PCCA: variants seen among roughly 807,000 people sequenced by gnomAD.
PCCA encodes propionyl-CoA carboxylase alpha chain, mitochondrial.
Under a neutral mutation model 101.3 loss-of-function variants are expected in PCCA, and 74 were observed. The observed-to-expected ratio is 0.73, with a 90% CI of 0.61 to 0.89. The LOEUF is 0.89. Ranked by LOEUF, PCCA falls within the 40% of genes least tolerant of loss-of-function variation. PCCA has a pLI of 0.00. For synonymous variants in PCCA, 294 were observed against 313.6 expected (o/e 0.94, Z 0.66); for missense variants, 891 against 907.0 (o/e 0.98, Z 0.23).
intron 7 of PCCA, among the ~76,000 whole-genome samples, 162 bp from the exon 8 acceptor site, chr13:100,235,680 A>T (rs983282987): frequency 1.3e-5 from 2 of 152,200 alleles, no homozygotes; most frequent in African/African-American, 4.8e-5. Context: ...CATTCCACTT[A>T]TGGTATTAAT....
At chr13:100,344,267 A>G (rs2071843802) in intron 18 of PCCA, among the ~76,000 whole-genome samples, 1 of 152,198 alleles carries the variant, frequency 6.6e-6, no homozygotes, top group Non-Finnish European at 1.5e-5. Flanking sequence ...GATATTAAGG[A>G]GTCAGGTTAC....
At chr13:100,332,352 T>C (rs1170259745) in intron 17 of PCCA, among the ~76,000 whole-genome samples, 1 of 152,044 alleles carries the variant, frequency 6.6e-6, no homozygotes, top group Admixed American at 6.5e-5. Flanking sequence ...AAAGTTGTAG[T>C]ACGTTTTGAA....
At chr13:100,182,269 G>T (rs1374015107) in intron 6 of PCCA, among the ~76,000 whole-genome samples, 4 of 151,644 alleles carry the variant, frequency 2.6e-5, no homozygotes, top group African/African-American at 9.7e-5. Context: ...GCTCATTTTT[G>T]TATTTTTAGT....
At chr13:100,100,390 C>A (rs1316782660) in intron 1 of PCCA, among the ~76,000 whole-genome samples, 1 of 152,174 alleles carries the variant, frequency 6.6e-6, no homozygotes, top group Non-Finnish European at 1.5e-5. Flanking sequence ...CTGTGATTGG[C>A]TAGCCTTTAT....
chr13:100,421,897 C>G (rs1363146416), intron 19 of PCCA, among the ~76,000 whole-genome samples: 4 of 152,042 alleles, frequency 2.6e-5, no homozygotes, highest in Non-Finnish European at 5.9e-5. Flanking sequence ...GTTGGTCAGG[C>G]TGGTCTCAAT....
chr13:100,135,988 G>C (rs2051113764), intron 4 of PCCA, among the ~76,000 whole-genome samples: 1 of 151,806 alleles, frequency 6.6e-6, no homozygotes, highest in Non-Finnish European at 1.5e-5. Flanking sequence ...TTTGCATTTT[G>C]GTTGTGGTGT....
At chr13:100,152,457 A>T (rs544853983) in intron 4 of PCCA, among the ~76,000 whole-genome samples, 22 of 143,758 alleles carry the variant, frequency 1.5e-4, no homozygotes, top group East Asian at 1.2e-3. Flanking sequence ...TTATTTATTT[A>T]TTTTTTTGAG....
intron 11 of PCCA, among the ~76,000 whole-genome samples, chr13:100,272,827 T>C (rs746896696): frequency 3.9e-5 from 6 of 152,194 alleles, no homozygotes; most frequent in Non-Finnish European, 8.8e-5. Context: ...TGAGGATTGA[T>C]TGTGTATGTT....
chr13:100,159,320 A>T (rs976550473), intron 6 of PCCA, among the ~76,000 whole-genome samples: 10 of 151,988 alleles, frequency 6.6e-5, no homozygotes, highest in African/African-American at 2.2e-4. Context: ...TGAACTCCTG[A>T]TGTCGTGATC....
chr13:100,299,639 A>G (rs2065902086), intron 12 of PCCA, among the ~76,000 whole-genome samples: 5 of 152,198 alleles, frequency 3.3e-5, no homozygotes, highest in Non-Finnish European at 7.3e-5. Context: ...GGTTCACTTA[A>G]CTTTTGAAAT....
intron 10 of PCCA, among the ~76,000 whole-genome samples, chr13:100,264,803 C>T (rs997231797): frequency 3.9e-5 from 6 of 152,118 alleles, no homozygotes; most frequent in African/African-American, 1.4e-4. Context: ...TATACTCCCA[C>T]CAGAAATACA....
intron 6 of PCCA, among the ~76,000 whole-genome samples, chr13:100,201,251 C>T (rs376184435): frequency 7.0e-4 from 107 of 152,184 alleles, no homozygotes; most frequent in African/African-American, 2.5e-3. Flanking sequence ...AATCCCGACT[C>T]TTTTTGTTGA....
intron 22 of PCCA, among the ~76,000 whole-genome samples, chr13:100,522,670 T>C (rs947554023): frequency 1.3e-5 from 2 of 152,216 alleles, no homozygotes; most frequent in African/African-American, 4.8e-5. Context: ...GAAATACGAC[T>C]GCACACTCTT....
chr13:100,421,292 C>T (rs2152886470), intron 19 of PCCA, among the ~76,000 whole-genome samples: 1 of 152,264 alleles, frequency 6.6e-6, no homozygotes, highest in Middle Eastern at 3.4e-3. Context: ...ACAAGCCTCC[C>T]TTTCATACCT....
At chr13:100,327,734 G>A (rs1274987571) in intron 16 of PCCA, among the ~76,000 whole-genome samples, 1 of 152,142 alleles carries the variant, frequency 6.6e-6, no homozygotes, top group Admixed American at 6.5e-5. Context: ...GCTATTATCT[G>A]TCTTTTCACT....
intron 22 of PCCA, among the ~76,000 whole-genome samples, chr13:100,516,737 G>GTGTC (rs1491408262): frequency 6.1e-5 from 2 of 33,050 alleles, no homozygotes; most frequent in African/African-American, 3.5e-4. Context: ...GAAAAATTAC[G>GTGTC]TGTGTGTGTG....
chr13:100,233,704 A>G (rs1375835727), intron 7 of PCCA, among the ~76,000 whole-genome samples: 2 of 152,196 alleles, frequency 1.3e-5, no homozygotes, highest in African/African-American at 2.4e-5. Context: ...GTATTTTTGG[A>G]TGAATGAGTG....
rs564721286 is a variant in PCCA, at chr13:100,421,713, C to A, written c.1747-3920C>A. Among the ~76,000 whole-genome samples, 6 of 151,960 alleles carry A rather than the reference C, an allele frequency of 3.9e-5. No individual in the cohort carries two copies. In the East Asian group the frequency reaches 7.7e-4, roughly 20 times the overall value. On this transcript the variant is annotated intron_variant, in intron 19 of 23. Coordinates refer to ENST00000376285, the MANE Select transcript of PCCA (RefSeq NM_000282.4). ...TTTTTTATTTTTTTTGAGATGGAGT[C>A]CCGCTCTGTCGTGCAGGCTGGAGTG...
chr13:100,376,966 G>T (rs1236377501), intron 19 of PCCA, among the ~76,000 whole-genome samples: 1 of 152,220 alleles, frequency 6.6e-6, no homozygotes, highest in East Asian at 1.9e-4. Flanking sequence ...TGGTCTGCGG[G>T]GTTGTGAAGA....
Sources: allele counts gnomAD v4.1 joint callset (sites outside exome capture counted in the v4.1 genomes callset), GRCh38; gene constraint gnomAD v4.1.1; transcripts MANE v1.5; gene names NCBI Gene and HGNC (gene_info 2026-07-23, HGNC 2026-07-21).